SLIT1: variants seen among roughly 807,000 people sequenced by gnomAD.
The protein encoded by SLIT1 is slit homolog 1 protein.
Under a neutral mutation model 186.1 loss-of-function variants are expected in SLIT1, and 66 were observed. That is an observed-to-expected ratio of 0.35 (90% CI 0.29 to 0.44). The LOEUF is 0.44. Among genes scored for constraint, SLIT1 ranks in the 20% least tolerant of loss-of-function variants. The probability of loss-of-function intolerance (pLI) is 1.00; values close to 1 mark genes in which losing one functional copy is unlikely to be tolerated. For missense variants in SLIT1, 1,638 were observed against 2,037.4 expected (o/e 0.80, Z 3.77); for synonymous variants, 761 against 833.8 (o/e 0.91, Z 1.50).
intron 4 of SLIT1, among the ~76,000 whole-genome samples, chr10:97,080,010 G>A (rs1424394528): frequency 1.3e-5 from 2 of 152,184 alleles, no homozygotes; most frequent in Admixed American, 1.3e-4. Flanking sequence ...ATGAGGGTAT[G>A]TTGTAAAATA....
At chr10:97,046,902 G>T in intron 17 of SLIT1, 89 bp downstream of exon 17, 1 of 1,561,902 alleles carries the variant, frequency 6.4e-7, no homozygotes, top group African/African-American at 1.4e-5. Context: ...CTGGCCCCCC[G>T]CCGTGGGAGC....
At chr10:97,157,620 G>T in intron 4 of SLIT1, 198 bp downstream of exon 4, 1 of 596,542 alleles carries the variant, frequency 1.7e-6, no homozygotes, top group Non-Finnish European at 3.0e-6. Context: ...CCAAGTGCTT[G>T]CCATGGAGAA....
chr10:97,087,692 G>A (rs111940933), intron 4 of SLIT1, among the ~76,000 whole-genome samples: 47 of 152,218 alleles, frequency 3.1e-4, no homozygotes, highest in African/African-American at 9.4e-4. Flanking sequence ...TGAGTATCTA[G>A]GGGGTAGTAA....
chr10:97,176,516 A>G (rs999162349), intron 1 of SLIT1, among the ~76,000 whole-genome samples: 1 of 151,966 alleles, frequency 6.6e-6, no homozygotes, highest in Non-Finnish European at 1.5e-5. Context: ...CAGAGCTCCC[A>G]TGCCTGTCCT....
In SLIT1 at chr10:97,059,519, G is replaced by C. The variant is rs1848872116; in HGVS notation, c.1026C>G (p.Asn342Lys). The C allele has an allele frequency of 6.2e-7, 1 of 1,613,728 alleles. No individual in the cohort carries two copies. The highest frequency in any genetic ancestry group is 1.3e-5 in the African/African-American group (1 of 74,934). ...CGGGTGCAATCTCAGCGATCTGATTGTTGCTCAGGTCTCTGCAAGGTGAGC... is the reference window on the plus strand; with the variant it reads ...CGGGTGCAATCTCAGCGATCTGATTCTTGCTCAGGTCTCTGCAAGGTGAGC... Reference protein sequence around the residue: ...YRKLRRIDLSNNQIAEIAPDA... With the variant: ...YRKLRRIDLSKNQIAEIAPDA... Residue 342 changes from asparagine (N) to lysine (K), a missense_variant, in exon 11 of 37, where the codon AAC becomes AAG. Asn to Lys is a moderately conservative substitution (Grantham distance 94, BLOSUM62 0). Around this residue, in one of 3 missense-constraint regions of SLIT1, gnomAD observed 1,245 missense variants for 1,535.3 expected, o/e 0.81. Coordinates refer to ENST00000266058, the MANE Select transcript of SLIT1 (RefSeq NM_003061.3).
At chr10:97,140,823 T>G (rs886098609) in intron 4 of SLIT1, among the ~76,000 whole-genome samples, 5 of 152,180 alleles carry the variant, frequency 3.3e-5, no homozygotes, top group Admixed American at 6.5e-5. Flanking sequence ...AAGCGATTTG[T>G]CGATTTTTAT....
chr10:97,018,716 G>A, intron 27 of SLIT1, 33 bp from the exon 28 acceptor site: 1 of 1,429,142 alleles, frequency 7.0e-7, no homozygotes, highest in Non-Finnish European at 9.7e-7. Context: ...GGACCCCAGG[G>A]AGACCCAGGA....
chr10:97,107,037 C>T (rs1471834655), intron 4 of SLIT1, among the ~76,000 whole-genome samples: 4 of 152,262 alleles, frequency 2.6e-5, no homozygotes, highest in African/African-American at 9.6e-5. Context: ...ACAGCAGTGA[C>T]TCTGAGCTAT....
intron 3 of SLIT1, among the ~76,000 whole-genome samples, chr10:97,162,799 G>A (rs1850047212): frequency 6.6e-6 from 1 of 151,886 alleles, no homozygotes. Context: ...CATGATGAGT[G>A]CCCATCCCCC....
At chr10:97,179,394 A>G (rs1850300239) in intron 1 of SLIT1, among the ~76,000 whole-genome samples, 1 of 152,132 alleles carries the variant, frequency 6.6e-6, no homozygotes, top group South Asian at 2.1e-4. Context: ...GGAATTTGAG[A>G]CCAGCCTGGG....
At chr10:97,173,688 G>C (rs1850220603) in intron 1 of SLIT1, among the ~76,000 whole-genome samples, 1 of 151,934 alleles carries the variant, frequency 6.6e-6, no homozygotes, top group African/African-American at 2.4e-5. Flanking sequence ...GTACAGCCTG[G>C]GGTTTCCAGG....
At chr10:97,011,160 G>A (rs764239126) in intron 30 of SLIT1, 30 bp from the exon 31 acceptor site, 1 of 1,581,938 alleles carries the variant, frequency 6.3e-7, no homozygotes, top group South Asian at 1.1e-5. Context: ...GGTAGTTGGG[G>A]GGTCAGCCAC....
At chr10:97,014,763 G>T (rs972424798) in intron 28 of SLIT1, among the ~76,000 whole-genome samples, 1 of 152,114 alleles carries the variant, frequency 6.6e-6, no homozygotes, top group Non-Finnish European at 1.5e-5. Context: ...CTACTCGGGA[G>T]GCTGAGGCAG....
chr10:97,093,154 C>T (rs1564673708), intron 4 of SLIT1, among the ~76,000 whole-genome samples: 1 of 152,148 alleles, frequency 6.6e-6, no homozygotes, highest in African/African-American at 2.4e-5. Flanking sequence ...GAGGGCAGTG[C>T]GGCAGCCAGA....
intron 16 of SLIT1, 80 bp downstream of exon 16, chr10:97,047,610 C>T (rs1848745024): frequency 1.4e-6 from 2 of 1,424,104 alleles, no homozygotes; most frequent in Middle Eastern, 2.1e-4. Context: ...AGGGCTGGAC[C>T]AAGAAAATCC....
chr10:97,037,799 TCTC>T, intron 21 of SLIT1, 33 bp from the exon 22 acceptor site: 1 of 1,571,906 alleles, frequency 6.4e-7, no homozygotes, highest in Non-Finnish European at 8.7e-7. Context: ...TTAGTGCCCA[TCTC>T]CACCTCTGGT....
intron 1 of SLIT1, among the ~76,000 whole-genome samples, chr10:97,168,093 CA>C (rs1161283567): frequency 6.6e-6 from 1 of 152,212 alleles, no homozygotes; most frequent in Non-Finnish European, 1.5e-5. Context: ...TGCCACATAA[CA>C]ATGGCTGTCA....
chr10:97,144,624 G>A (rs780133987), intron 4 of SLIT1, among the ~76,000 whole-genome samples: 5 of 152,220 alleles, frequency 3.3e-5, no homozygotes, highest in South Asian at 2.1e-4. Context: ...GGCAGGCCCC[G>A]CTAAGTCAGA....
intron 4 of SLIT1, among the ~76,000 whole-genome samples, chr10:97,115,364 C>G (rs1240186612): frequency 1.3e-5 from 2 of 152,104 alleles, no homozygotes; most frequent in African/African-American, 4.8e-5. Context: ...GAGAGTAAGC[C>G]CACTCATCCC....
Sources: allele counts gnomAD v4.1 joint callset (sites outside exome capture counted in the v4.1 genomes callset), GRCh38; gene constraint gnomAD v4.1.1; regional missense constraint gnomAD v4.1.1; transcripts MANE v1.5; gene names NCBI Gene and HGNC (gene_info 2026-07-23, HGNC 2026-07-21).